The following DTHD1 variants were observed in gnomAD, a reference collection of about 807,000 sequenced individuals.
DTHD1 encodes the protein death domain-containing protein 1.
In DTHD1, 59 loss-of-function variants were observed where a neutral mutation model predicts 74.8. The observed-to-expected ratio is 0.79, with a 90% CI of 0.64 to 0.98. The LOEUF (loss-of-function observed/expected upper bound fraction) is 0.98. DTHD1 is among the 50% of genes least tolerant of loss of function. The pLI is 0.00. For missense variants in DTHD1, 1,051 were observed against 1,065.4 expected (o/e 0.99, Z 0.19); for synonymous variants, 365 against 371.1 (o/e 0.98, Z 0.19).
In DTHD1 at chr4:36,308,484, T is replaced by C; in HGVS notation, c.2086T>C (p.Phe696Leu). The C allele has an allele frequency of 1.3e-6, 2 of 1,550,086 alleles. No homozygotes were observed. The highest frequency in any genetic ancestry group is 2.4e-5 in the South Asian group (2 of 83,960). The change falls in exon 7 of 10, where the codon TTT (phenylalanine) becomes CTT (leucine). Residue 696 changes from phenylalanine (F) to leucine (L), a missense_variant. Physicochemically the swap from Phe to Leu is conservative, Grantham distance 22. Coordinates refer to ENST00000639862, the MANE Select transcript of DTHD1 (RefSeq NM_001170700.3). The part of the protein sequence containing the change: ...QLLLRFTGNI[F>L]ASSNGKDYGK... The stretch of plus-strand genomic sequence containing the variant: ...TCTTTTAAGATTTACTGGAAACATA[T>C]TTGCTTCAAGTAAGTATAAAGAAAT...
intron 5 of DTHD1, among the ~76,000 whole-genome samples, chr4:36,295,762 T>A (rs1578443525): frequency 6.6e-6 from 1 of 151,890 alleles, no homozygotes; most frequent in East Asian, 1.9e-4. Context: ...ATCATCAGAA[T>A]AGATGAAGAA....
chr4:36,291,001 C>T (rs1021366537), intron 3 of DTHD1, among the ~76,000 whole-genome samples: 1 of 152,202 alleles, frequency 6.6e-6, no homozygotes, highest in African/African-American at 2.4e-5. Flanking sequence ...AGACTAACTT[C>T]AGACCAACAT....
At chr4:36,332,613 C>T (rs1194648917) in intron 8 of DTHD1, 1 of 152,148 alleles carries the variant, frequency 6.6e-6, no homozygotes, top group African/African-American at 2.4e-5. Flanking sequence ...AGTTACCACC[C>T]CAAAGCTCCC....
intron 8 of DTHD1, among the ~76,000 whole-genome samples, chr4:36,320,608 A>T (rs959565983): frequency 6.6e-6 from 1 of 152,212 alleles, no homozygotes; most frequent in African/African-American, 2.4e-5. Context: ...TTGTGCCCAA[A>T]GTCTTCAGAA....
At chr4:36,328,410 C>T (rs2109550346) in intron 8 of DTHD1, among the ~76,000 whole-genome samples, 1 of 152,308 alleles carries the variant, frequency 6.6e-6, no homozygotes, top group African/African-American at 2.4e-5. Context: ...AAGACAACAG[C>T]AGATTATTGG....
rs950867652 is a variant in DTHD1, at chr4:36,345,661, C to A, written c.*1837C>A. On this transcript the variant is annotated 3_prime_UTR_variant, in exon 10 of 10. Transcript: ENST00000639862. ...GCCAAAAAGGTACAATATGTATTTT[C>A]ATGTATTCTTGGGGCAAAGAAAACA... 6.6e-6 allele frequency: 1 copy of A among 152,066 alleles called. No homozygotes were observed. Among genetic ancestry groups the A allele is most frequent in the African/African-American group, 2.4e-5 (1 of 41,410 alleles). 9.4% of individuals were successfully genotyped at this position (152,066 alleles called of 1,614,324 possible). A position where few individuals can be genotyped will look rare whatever the true frequency, so the allele number is the denominator to read the frequency against.
At chr4:36,291,782 C>A (rs79094840) in intron 3 of DTHD1, among the ~76,000 whole-genome samples, 1 of 152,094 alleles carries the variant, frequency 6.6e-6, no homozygotes, top group Non-Finnish European at 1.5e-5. Flanking sequence ...GAGCCGAGAT[C>A]GCACCCCTGC....
chr4:36,283,734 C>G (rs1179991699), intron 1 of DTHD1: 2 of 495,414 alleles, frequency 4.0e-6, no homozygotes, highest in South Asian at 3.5e-5. Context: ...TCTTTATAAG[C>G]AAGAGGGATT....
intron 5 of DTHD1, among the ~76,000 whole-genome samples, chr4:36,295,880 G>A (rs532357807): frequency 1.1e-4 from 16 of 151,988 alleles, no homozygotes; most frequent in African/African-American, 2.6e-4. Context: ...ATAATTATAG[G>A]TACCATTGAA....
intron 5 of DTHD1, among the ~76,000 whole-genome samples, chr4:36,305,627 A>T (rs1756999743): frequency 6.6e-6 from 1 of 152,198 alleles, no homozygotes; most frequent in African/African-American, 2.4e-5. Context: ...TATGATAGGT[A>T]AGAAAACAGA....
intron 5 of DTHD1, among the ~76,000 whole-genome samples, chr4:36,304,788 C>T (rs1342584727): frequency 1.3e-5 from 2 of 152,230 alleles, no homozygotes; most frequent in African/African-American, 4.8e-5. Flanking sequence ...CTTTCTCCAT[C>T]TCTAGGACTA....
intron 2 of DTHD1, among the ~76,000 whole-genome samples, chr4:36,286,337 T>C (rs1428231974): frequency 6.6e-6 from 1 of 152,216 alleles, no homozygotes; most frequent in East Asian, 1.9e-4. Context: ...AGGTGTTTCC[T>C]GGTTAGTGAC....
intron 7 of DTHD1, among the ~76,000 whole-genome samples, chr4:36,314,519 A>G (rs1159920725): frequency 6.6e-6 from 1 of 151,416 alleles, no homozygotes; most frequent in Non-Finnish European, 1.5e-5. Flanking sequence ...TACAAAAAAA[A>G]AAAAAAAAAA....
At chr4:36,308,831 C>A (rs1181729218) in intron 7 of DTHD1, among the ~76,000 whole-genome samples, 1 of 152,126 alleles carries the variant, frequency 6.6e-6, no homozygotes, top group Non-Finnish European at 1.5e-5. Context: ...CATATGAAAT[C>A]AATTACCATG....
intron 7 of DTHD1, among the ~76,000 whole-genome samples, chr4:36,309,005 A>C (rs1757223911): frequency 1.3e-5 from 2 of 152,224 alleles, no homozygotes; most frequent in South Asian, 4.1e-4. Flanking sequence ...AAATGTGTGA[A>C]TAGATCTATA....
intron 7 of DTHD1, 80 bp downstream of exon 7, chr4:36,308,573 T>G (rs377338124): frequency 2.5e-6 from 3 of 1,191,524 alleles, no homozygotes; most frequent in Non-Finnish European, 3.4e-6. Flanking sequence ...AAACTTGTGT[T>G]ACTAAGGAAA....
intron 2 of DTHD1, among the ~76,000 whole-genome samples, chr4:36,289,988 T>C (rs751124705): frequency 3.3e-5 from 5 of 152,196 alleles, no homozygotes; most frequent in Admixed American, 6.5e-5. Context: ...CAAGTATTAG[T>C]ACTGATTTTA....
intron 8 of DTHD1, among the ~76,000 whole-genome samples, chr4:36,335,177 GC>G (rs1243478539): frequency 6.6e-6 from 1 of 152,116 alleles, no homozygotes; most frequent in African/African-American, 2.4e-5. Context: ...ATTTGAAGGG[GC>G]GTATCATTTA....
intron 8 of DTHD1, among the ~76,000 whole-genome samples, chr4:36,336,343 G>A (rs77102883): frequency 0.032 from 3,452 of 109,498 alleles, 94 homozygotes; most frequent in African/African-American, 0.11. Flanking sequence ...AAATGTAATC[G>A]AATGGCACCT....
Sources: allele counts gnomAD v4.1 joint callset (sites outside exome capture counted in the v4.1 genomes callset), GRCh38; gene constraint gnomAD v4.1.1; transcripts MANE v1.5; gene names NCBI Gene and HGNC (gene_info 2026-07-23, HGNC 2026-07-21).